Variants in SCHIP1 observed in about 807,000 individuals in gnomAD.
SCHIP1 encodes schwannomin-interacting protein 1.
Under a neutral mutation model 29.7 loss-of-function variants are expected in SCHIP1, and 8 were observed. The observed-to-expected ratio is 0.27, with a 90% confidence interval of 0.16 to 0.49. The LOEUF is 0.49. SCHIP1 is among the 20% of genes least tolerant of loss of function. SCHIP1 has a pLI of 0.99. For missense variants in SCHIP1, 193 were observed against 294.6 expected, an observed-to-expected ratio of 0.66 and a Z score of 2.52; for synonymous variants, 76 against 94.9, an observed-to-expected ratio of 0.80 and a Z score of 1.16.
the SCHIP1 span, among the ~76,000 whole-genome samples, chr3:159,698,715 T>C: frequency 6.6e-6 from 1 of 152,176 alleles, no homozygotes; most frequent in Non-Finnish European, 1.5e-5. Context: ...CTCGGCTCAC[T>C]GCAACCTCCA....
the SCHIP1 span, among the ~76,000 whole-genome samples, chr3:159,366,951 G>C: frequency 6.6e-6 from 1 of 152,090 alleles, no homozygotes; most frequent in African/African-American, 2.4e-5. Context: ...CTGGAAACTA[G>C]AAAAAATACA....
the SCHIP1 span, chr3:159,763,818 G>A: frequency 6.6e-6 from 1 of 152,260 alleles, no homozygotes; most frequent in South Asian, 2.1e-4. Flanking sequence ...CTTCCGGCGG[G>A]TGGGAGGAGG....
the SCHIP1 span, among the ~76,000 whole-genome samples, chr3:159,631,681 T>G: frequency 6.6e-6 from 1 of 152,232 alleles, no homozygotes; most frequent in South Asian, 2.1e-4. Context: ...GAATGGGGAA[T>G]AGGGAGTTAT....
the SCHIP1 span, among the ~76,000 whole-genome samples, chr3:159,615,731 C>T: frequency 5.9e-5 from 9 of 152,106 alleles, no homozygotes; most frequent in East Asian, 7.7e-4. Context: ...GATGCAGAAA[C>T]GATGAGTCTA....
At chr3:159,557,156 A>G in the SCHIP1 span, among the ~76,000 whole-genome samples, 1 of 151,756 alleles carries the variant, frequency 6.6e-6, no homozygotes, top group Non-Finnish European at 1.5e-5. Context: ...ACGAGGTTTC[A>G]CCATGTTAGC....
At chr3:159,454,843 A>G in the SCHIP1 span, among the ~76,000 whole-genome samples, 1 of 152,224 alleles carries the variant, frequency 6.6e-6, no homozygotes, top group Non-Finnish European at 1.5e-5. Flanking sequence ...TTTTGTCACC[A>G]TCCAACAATG....
the SCHIP1 span, among the ~76,000 whole-genome samples, chr3:159,517,481 A>T: frequency 1.3e-5 from 2 of 152,156 alleles, no homozygotes; most frequent in Admixed American, 1.3e-4. Flanking sequence ...TTTCAAAAAA[A>T]TTTTGTGATA....
At chr3:159,874,437 G>A (rs1356222503) in intron 2 of SCHIP1, among the ~76,000 whole-genome samples, 1 of 152,162 alleles carries the variant, frequency 6.6e-6, no homozygotes, top group African/African-American at 2.4e-5. Context: ...ATTGGTAAAT[G>A]GCTGAGACAA....
the SCHIP1 span, among the ~76,000 whole-genome samples, chr3:159,357,449 G>T: frequency 6.6e-6 from 1 of 152,168 alleles, no homozygotes. Context: ...CACACAGACT[G>T]GAAAATCAGT....
chr3:159,279,337 T>C, the SCHIP1 span, among the ~76,000 whole-genome samples: 1 of 152,162 alleles, frequency 6.6e-6, no homozygotes, highest in East Asian at 1.9e-4. Flanking sequence ...CTGCCATGAT[T>C]GTGAGGCCTC....
At chr3:159,658,587 T>C in the SCHIP1 span, among the ~76,000 whole-genome samples, 1 of 152,188 alleles carries the variant, frequency 6.6e-6, no homozygotes, top group African/African-American at 2.4e-5. Flanking sequence ...GGTTCAGACA[T>C]TGAGCCTTAG....
At chr3:159,757,417 A>G in the SCHIP1 span, among the ~76,000 whole-genome samples, 4 of 152,178 alleles carry the variant, frequency 2.6e-5, no homozygotes, top group Non-Finnish European at 4.4e-5. Flanking sequence ...CCATGATTCA[A>G]TCATCTCCCA....
At chr3:159,273,438 G>A in the SCHIP1 span, 1 of 1,031,164 alleles carries the variant, frequency 9.7e-7, no homozygotes, top group Non-Finnish European at 1.2e-6. Flanking sequence ...TGAATCGGCT[G>A]CTTTGGACTA....
chr3:159,422,126 A>G, the SCHIP1 span, among the ~76,000 whole-genome samples: 1 of 152,120 alleles, frequency 6.6e-6, no homozygotes, highest in Non-Finnish European at 1.5e-5. Flanking sequence ...CATTCTGTAG[A>G]TATTTTGTCT....
At chr3:159,778,725 G>A in the SCHIP1 span, among the ~76,000 whole-genome samples, 1 of 152,114 alleles carries the variant, frequency 6.6e-6, no homozygotes, top group Non-Finnish European at 1.5e-5. Context: ...AAATGCTTTT[G>A]AAGACAAGTC....
chr3:159,490,420 G>T, the SCHIP1 span, among the ~76,000 whole-genome samples: 13 of 152,240 alleles, frequency 8.5e-5, no homozygotes, highest in South Asian at 2.3e-3. Context: ...GCCATGACTT[G>T]ATGTACAAAG....
At chr3:159,506,548 A>C in the SCHIP1 span, among the ~76,000 whole-genome samples, 1 of 152,224 alleles carries the variant, frequency 6.6e-6, no homozygotes, top group Non-Finnish European at 1.5e-5. Context: ...GCCCATGCCT[A>C]TGTCCTAAAT....
the SCHIP1 span, among the ~76,000 whole-genome samples, chr3:159,419,042 CAT>C: frequency 5.1e-4 from 78 of 152,294 alleles, no homozygotes; most frequent in African/African-American, 1.8e-3. Flanking sequence ...GTCCACTTCT[CAT>C]ATCTGTTGCT....
chr3:159,631,291 A>G, the SCHIP1 span, among the ~76,000 whole-genome samples: 1 of 152,198 alleles, frequency 6.6e-6, no homozygotes, highest in Non-Finnish European at 1.5e-5. Flanking sequence ...TGGTTTCTCA[A>G]AAATTTAAAC....
Sources: gnomAD v4.1 joint callset for allele counts (sites outside exome capture counted in the v4.1 genomes callset) on GRCh38, gnomAD v4.1.1 for gene constraint, MANE v1.5 for transcripts, NCBI Gene and HGNC (gene_info 2026-07-23, HGNC 2026-07-21) for gene names.